Variants in KCNIP4 observed in about 807,000 individuals in gnomAD.
KCNIP4 encodes the protein Kv channel-interacting protein 4.
Under a neutral mutation model 34.0 loss-of-function variants are expected in KCNIP4, and 12 were observed. The ratio of observed to expected loss-of-function variants is 0.35; its 90% CI spans 0.23 to 0.57. The LOEUF is 0.57. KCNIP4 is among the 20% of genes least tolerant of loss of function. KCNIP4 has a pLI of 0.83. For missense variants in KCNIP4, 238 were observed against 311.7 expected, an observed-to-expected ratio of 0.76 and a Z score of 1.78; for synonymous variants, 124 against 102.2, an observed-to-expected ratio of 1.21 and a Z score of -1.29.
At chr4:21,681,960 C>T (rs980026607) in intron 1 of KCNIP4, among the ~76,000 whole-genome samples, 1 of 151,796 alleles carries the variant, frequency 6.6e-6, no homozygotes, top group African/African-American at 2.4e-5. Context: ...ACGGCCTTGG[C>T]TCATCACAAC....
At chr4:21,732,914 T>G (rs531945329) in intron 1 of KCNIP4, among the ~76,000 whole-genome samples, 1 of 152,298 alleles carries the variant, frequency 6.6e-6, no homozygotes, top group East Asian at 1.9e-4. Flanking sequence ...TTCTGTTCTA[T>G]TTCTATATAA....
intron 1 of KCNIP4, among the ~76,000 whole-genome samples, chr4:21,933,447 G>T (rs1729687242): frequency 6.6e-6 from 1 of 151,944 alleles, no homozygotes; most frequent in Non-Finnish European, 1.5e-5. Flanking sequence ...TTCAAATGTT[G>T]ACCCAATTTC....
chr4:21,599,018 C>T (rs1362924181), intron 1 of KCNIP4, among the ~76,000 whole-genome samples: 2 of 152,082 alleles, frequency 1.3e-5, no homozygotes, highest in African/African-American at 4.8e-5. Context: ...ACTGTATCAT[C>T]GCTGCAGTCC....
intron 1 of KCNIP4, among the ~76,000 whole-genome samples, chr4:21,323,978 T>C (rs938058748): frequency 1.3e-5 from 2 of 152,080 alleles, no homozygotes; most frequent in South Asian, 4.1e-4. Flanking sequence ...GTAGTTTTGA[T>C]TTGCATTTCT....
At chr4:20,861,799 G>A (rs1437417450) in intron 2 of KCNIP4, among the ~76,000 whole-genome samples, 2 of 151,912 alleles carry the variant, frequency 1.3e-5, no homozygotes, top group Non-Finnish European at 2.9e-5. Flanking sequence ...GTGAACAGCT[G>A]AAGCTATTTG....
At chr4:21,722,169 T>C (rs1055332451) in intron 1 of KCNIP4, among the ~76,000 whole-genome samples, 1 of 152,170 alleles carries the variant, frequency 6.6e-6, no homozygotes, top group Admixed American at 6.6e-5. Flanking sequence ...AGCCATTCAT[T>C]TATTCAATCT....
intron 1 of KCNIP4, among the ~76,000 whole-genome samples, chr4:21,861,617 A>C (rs1444970775): frequency 6.9e-6 from 1 of 145,760 alleles, no homozygotes; most frequent in African/African-American, 2.6e-5. Flanking sequence ...AGATCATGCC[A>C]CTGCACTCCA....
chr4:21,211,638 T>C (rs1369401334), intron 1 of KCNIP4, among the ~76,000 whole-genome samples: 2 of 152,144 alleles, frequency 1.3e-5, no homozygotes, highest in Non-Finnish European at 2.9e-5. Context: ...TGCTGCCCTA[T>C]GACATCTAAG....
chr4:20,899,694 A>T (rs2149549771), intron 1 of KCNIP4, among the ~76,000 whole-genome samples: 1 of 152,336 alleles, frequency 6.6e-6, no homozygotes, highest in Non-Finnish European at 1.5e-5. Context: ...GAATTTCATA[A>T]CTTCAAAGCT....
At position 21,080,570 on chromosome 4, in the gene KCNIP4, G is replaced by A. The variant is rs115741955; in HGVS notation, c.62-197861C>T. On this transcript the variant is annotated intron_variant, in intron 1 of 8. Transcript: ENST00000382152. ...ATGCCAATTCTTCTATTTCCTTTTTGAACAATAAATTTACAGAGTACTTTA... is the reference window on the plus strand; with the variant it reads ...ATGCCAATTCTTCTATTTCCTTTTTAAACAATAAATTTACAGAGTACTTTA... Among the ~76,000 whole-genome samples, 859 of 151,410 alleles carry A rather than the reference G, an allele frequency of 5.7e-3. 23 individuals are homozygous for A. The highest frequency in any genetic ancestry group is 0.02 in the African/African-American group (825 of 41,090).
chr4:21,266,539 A>G (rs1221910628), intron 1 of KCNIP4, among the ~76,000 whole-genome samples: 1 of 152,216 alleles, frequency 6.6e-6, no homozygotes, highest in Admixed American at 6.5e-5. Flanking sequence ...TGTGACTCTC[A>G]GCTCTATTAT....
chr4:21,779,925 T>C (rs1335193632), intron 1 of KCNIP4, among the ~76,000 whole-genome samples: 1 of 88,656 alleles, frequency 1.1e-5, no homozygotes, highest in Non-Finnish European at 2.9e-5. Context: ...AGTAAGATCC[T>C]GTCTCAAAAA....
intron 1 of KCNIP4, among the ~76,000 whole-genome samples, chr4:21,177,472 C>G (rs2109312368): frequency 6.6e-6 from 1 of 152,226 alleles, no homozygotes; most frequent in African/African-American, 2.4e-5. Context: ...CATAGCAGGG[C>G]TCAAAACATG....
chr4:21,022,012 T>G (rs1370127663), intron 1 of KCNIP4, among the ~76,000 whole-genome samples: 1 of 152,128 alleles, frequency 6.6e-6, no homozygotes. Flanking sequence ...GCACAGTAGG[T>G]TTTTTTACAC....
At chr4:20,748,737 C>T (rs1434044424) in intron 5 of KCNIP4, among the ~76,000 whole-genome samples, 1 of 149,966 alleles carries the variant, frequency 6.7e-6, no homozygotes, top group African/African-American at 2.4e-5. Context: ...ATACATTTCT[C>T]ACATATTTTC....
intron 3 of KCNIP4, among the ~76,000 whole-genome samples, chr4:20,782,614 G>T (rs947913287): frequency 6.6e-6 from 1 of 152,024 alleles, no homozygotes; most frequent in African/African-American, 2.4e-5. Context: ...TGGAGCAGCT[G>T]GGATGCAGGG....
At position 21,464,306 on chromosome 4, in the gene KCNIP4, T is replaced by C. The variant is rs939716996; in HGVS notation, c.61+484265A>G. On this transcript the variant is annotated intron_variant, in intron 1 of 8. Transcript: ENST00000382152. ...TAAGTTGTCAGGTTAGATTATTGAC[T>C]TGAGATGTTATTATATAGACATTTG... Among the ~76,000 whole-genome samples the C allele has an allele frequency of 1.2e-4, 18 of 152,054 alleles. No individual in the cohort carries two copies. The South Asian group carries it at 3.5e-3, about 30-fold the overall frequency.
At chr4:21,257,432 C>T (rs1761132774) in intron 1 of KCNIP4, among the ~76,000 whole-genome samples, 1 of 152,030 alleles carries the variant, frequency 6.6e-6, no homozygotes, top group African/African-American at 2.4e-5. Context: ...GTTTTGGGCT[C>T]CACCTCAGAC....
chr4:21,289,642 A>G (rs1211129387), intron 1 of KCNIP4, among the ~76,000 whole-genome samples: 1 of 152,222 alleles, frequency 6.6e-6, no homozygotes, highest in Admixed American at 6.5e-5. Flanking sequence ...CTAGTAAGCC[A>G]TTTAATGGAA....
Sources: gnomAD v4.1 joint callset for allele counts (sites outside exome capture counted in the v4.1 genomes callset) on GRCh38, gnomAD v4.1.1 for gene constraint, MANE v1.5 for transcripts, NCBI Gene and HGNC (gene_info 2026-07-23, HGNC 2026-07-21) for gene names.